The following GPR35 variants were observed in gnomAD, a reference collection of about 807,000 sequenced individuals.
The protein encoded by GPR35 is G protein-coupled receptor 35.
For missense variants in GPR35, 372 were observed against 422.5 expected (o/e 0.88, Z 1.05); for synonymous variants, 207 against 198.4 (o/e 1.04, Z -0.36).
intron 2 of GPR35, among the ~76,000 whole-genome samples, chr2:240,611,718 C>T (rs1351170439): frequency 1.3e-5 from 2 of 152,154 alleles, no homozygotes; most frequent in Admixed American, 6.5e-5. Context: ...TAAAGTGCTT[C>T]TGAGGCATCC....
Position 240,630,333 on chromosome 2 carries a change from G to C in GPR35, c.381G>C (p.Leu127=). The C allele has an allele frequency of 6.3e-7, 1 of 1,596,712 alleles. No homozygotes were observed. The change falls in exon 2 of 2, where the codon CTG becomes CTC. Residue 127 remains leucine (L), a synonymous_variant. Coordinates refer to ENST00000407714, the MANE Select transcript of GPR35 (RefSeq NM_005301.5). ...AVRHPLRARG[L]RSPRQAAAVC... ...GGCACCCGCTGCGTGCCCGCGGGCT[G>C]CGGTCCCCCAGGCAGGCTGCGGCCG...
intron 1 of GPR35, chr2:240,627,695 A>C (rs1373925827): frequency 8.3e-6 from 1 of 120,148 alleles, no homozygotes; most frequent in African/African-American, 3.2e-5. Flanking sequence ...GGTTGTTCTT[A>C]AACTTCTGGC....
intron 1 of GPR35, among the ~76,000 whole-genome samples, chr2:240,626,220 AGTGGGGTG>A (rs2043375065): frequency 1.2e-5 from 1 of 81,498 alleles, no homozygotes. Flanking sequence ...GGGGTCTCAG[AGTGGGGTG>A]AGGCTGTGAT....
intron 1 of GPR35, among the ~76,000 whole-genome samples, chr2:240,626,790 T>G (rs2043383011): frequency 6.6e-6 from 1 of 151,936 alleles, no homozygotes; most frequent in Non-Finnish European, 1.5e-5. Context: ...TCTTCAGCAG[T>G]GGTTGGGGCC....
In GPR35 at chr2:240,630,857, ACT is replaced by A. The variant is rs758771237; in HGVS notation, c.910_911del (p.Leu304ValfsTer33). 6 of 1,611,902 alleles carry A rather than the reference ACT, an allele frequency of 3.7e-6. No homozygotes were observed. The highest frequency in any genetic ancestry group is 1.6e-4 in the Middle Eastern group (1 of 6,062). The stretch of plus-strand genomic sequence containing the variant: ...AGTGCTAAGGCCCACAAAAGCCAGG[ACT>A]CTCTGTGCGTGACCCTCGCCTAAGA... On this transcript the variant is annotated frameshift_variant, in exon 2 of 2. Coordinates refer to ENST00000407714, the MANE Select transcript of GPR35 (RefSeq NM_005301.5). LOFTEE classifies it high-confidence loss of function.
chr2:240,610,676 C>G (rs2043174372), intron 2 of GPR35, among the ~76,000 whole-genome samples: 3 of 152,102 alleles, frequency 2.0e-5, no homozygotes, highest in Non-Finnish European at 2.9e-5. Flanking sequence ...GGTCTGTCAC[C>G]CAGGCTGGAG....
At chr2:240,627,954 G>A (rs985521594) in intron 1 of GPR35, 3 of 152,076 alleles carry the variant, frequency 2.0e-5, no homozygotes, top group Admixed American at 6.5e-5. Flanking sequence ...CACGAGGCAG[G>A]GTCCCAGGCT....
At chr2:240,616,344 C>T (rs775088919) in intron 2 of GPR35, 10 of 738,926 alleles carry the variant, frequency 1.4e-5, no homozygotes, top group Admixed American at 1.8e-5. Flanking sequence ...CTGTTGGGTT[C>T]TTAGTTGGCA....
Position 240,610,641 on chromosome 2 carries a change from T to G in GPR35, c.-577+4029T>G, listed in dbSNP as rs929874232. On this transcript the variant is annotated intron_variant, in intron 2 of 5. Transcript: ENST00000319838. ...ACACGTGGCTAAGTTTTTAACTTTT[T>G]TTTTTCTTTTTTTGAGACAGTCTTG... is the stretch of plus-strand genomic sequence containing the variant. Among the ~76,000 whole-genome samples, 3 of 152,134 alleles carry G rather than the reference T, an allele frequency of 2.0e-5. No individual in the cohort carries two copies. In the South Asian group the frequency reaches 6.2e-4, roughly 32 times the overall value.
intron 5 of GPR35, among the ~76,000 whole-genome samples, chr2:240,620,181 G>A (rs2043277778): frequency 6.6e-6 from 1 of 152,100 alleles, no homozygotes; most frequent in Non-Finnish European, 1.5e-5. Context: ...TGGCAGCAGT[G>A]GGTCCCCAGG....
chr2:240,627,326 G>A (rs55919442), intron 1 of GPR35: 25,806 of 152,282 alleles, frequency 0.17, 2,759 homozygotes, highest in East Asian at 0.32. Flanking sequence ...GCACTCCACG[G>A]GCGAGACAAG....
chr2:240,624,795 A>G (rs1046838145), upstream of GPR35, among the ~76,000 whole-genome samples: 1 of 152,082 alleles, frequency 6.6e-6, no homozygotes, highest in African/African-American at 2.4e-5. Flanking sequence ...GCTCAGAAGG[A>G]AGATGTCCGC....
intron 2 of GPR35, among the ~76,000 whole-genome samples, chr2:240,616,180 C>T (rs996686408): frequency 6.6e-6 from 1 of 152,122 alleles, no homozygotes; most frequent in Non-Finnish European, 1.5e-5. Flanking sequence ...GTAGAGGAGC[C>T]GGCACCTTTT....
intron 2 of GPR35, among the ~76,000 whole-genome samples, chr2:240,612,381 C>G (rs2043190299): frequency 7.4e-6 from 1 of 135,946 alleles, no homozygotes; most frequent in African/African-American, 2.8e-5. Context: ...GAGTGGAGAT[C>G]ACGCCACTGC....
chr2:240,625,416 C>A, upstream of GPR35: 1 of 985,250 alleles, frequency 1.0e-6, no homozygotes, highest in Non-Finnish European at 1.2e-6. Context: ...CAGCCGCCCG[C>A]CCCCCCACCT....
At chr2:240,611,033 A>G (rs913582529) in intron 2 of GPR35, among the ~76,000 whole-genome samples, 1 of 152,080 alleles carries the variant, frequency 6.6e-6, no homozygotes, top group African/African-American at 2.4e-5. Flanking sequence ...CCCAGGTTCA[A>G]GTGATTCTCA....
chr2:240,627,628 C>CTTTTTTTTTTTTTTTTTTT (rs60197961), intron 1 of GPR35: 1 of 69,652 alleles, frequency 1.4e-5, no homozygotes, highest in Non-Finnish European at 2.5e-5. Flanking sequence ...AATTTTCTGT[C>CTTTTTTTTTTTTTTTTTTT]TTTTTTTTTT....
At chr2:240,623,303 ATGAGGGCGCAAACAGGTCG>A (rs1443588874), upstream of GPR35, among the ~76,000 whole-genome samples, 12 of 97,944 alleles carry the variant, frequency 1.2e-4, no homozygotes, top group South Asian at 3.4e-4. Context: ...GAAACAGGTC[ATGAGGGCGCAAACAGGTCG>A]TGAGGGCGCA....
chr2:240,620,762 C>A (rs1293586112), upstream of GPR35, among the ~76,000 whole-genome samples: 2 of 152,156 alleles, frequency 1.3e-5, no homozygotes, highest in African/African-American at 4.8e-5. Context: ...CTGCAGCCAC[C>A]CCCCAGGACC....
Sources: allele counts gnomAD v4.1 joint callset (sites outside exome capture counted in the v4.1 genomes callset), GRCh38; gene constraint gnomAD v4.1.1; transcripts MANE v1.5; gene names NCBI Gene and HGNC (gene_info 2026-07-23, HGNC 2026-07-21).